The following NOX1 variants were observed in gnomAD, a reference collection of about 807,000 sequenced individuals.
The protein encoded by NOX1 is NADPH oxidase 1.
NOX1 carries 34 observed loss-of-function variants against 42.5 expected under a neutral mutation model. The ratio of observed to expected loss-of-function variants is 0.80; its 90% confidence interval spans 0.61 to 1.07. NOX1 has a LOEUF of 1.07. NOX1 is among the 50% of genes least tolerant of loss of function. The pLI, the probability that NOX1 is intolerant of heterozygous loss-of-function variation, is 0.00. For synonymous variants in NOX1, 143 were observed against 152.5 expected (o/e 0.94, Z 0.46); for missense variants, 408 against 427.0 (o/e 0.96, Z 0.39).
At chrX:100,870,289 G>C (rs2085266047) in intron 2 of NOX1, among the ~76,000 whole-genome samples, 1 of 109,522 alleles carries the variant, frequency 9.1e-6, no homozygotes, top group African/African-American at 3.3e-5. Context: ...GCAGGAGCAG[G>C]AGCAGGAGCA....
Position 100,853,310 on chromosome X carries a change from CTT to C in NOX1, c.805-1987_805-1986del, listed in dbSNP as rs757391671. ...TCTTTCTTTCTTTCTTTCTTTCTTT[CTT>C]TCTTTCTTTCTCTCTCTTTCTCTTT... On this transcript the variant is annotated intron_variant, in intron 7 of 12. Coordinates refer to ENST00000372966, the MANE Select transcript of NOX1 (RefSeq NM_007052.5). 2.9e-3 allele frequency among the ~76,000 whole-genome samples: 234 copies of C among 80,163 alleles called. 3 individuals carry two copies. Among genetic ancestry groups the C allele is most frequent in the African/African-American group, 9.9e-3 (193 of 19,519 alleles). The allele number at this position is 80,163 out of a possible 115,157, so 69.6% of individuals were successfully genotyped here.
chrX:100,857,647 T>C (rs1569446872), intron 7 of NOX1, among the ~76,000 whole-genome samples: 1 of 111,949 alleles, frequency 8.9e-6, no homozygotes, highest in Non-Finnish European at 1.9e-5. Context: ...GAGCATTTTT[T>C]CATATGCTTG....
At chrX:100,860,635 A>G (rs2085197091) in intron 7 of NOX1, among the ~76,000 whole-genome samples, 1 of 112,162 alleles carries the variant, frequency 8.9e-6, no homozygotes, top group Non-Finnish European at 1.9e-5. Context: ...TCATGTTATT[A>G]GGCTTTTTCT....
At position 100,869,061 on chromosome X, in the gene NOX1, T is replaced by C. The variant is rs758784038; in HGVS notation, c.141+1658A>G. On this transcript the variant is annotated intron_variant, in intron 2 of 12. Transcript: ENST00000372966. ...CAGTACCATGCTGTTTTGGTTACTGTAGCCTTGTAGTATAGTTTGAAGTGA... is the reference window on the plus strand; with the variant it reads ...CAGTACCATGCTGTTTTGGTTACTGCAGCCTTGTAGTATAGTTTGAAGTGA... Among the ~76,000 whole-genome samples, 203 of 111,742 alleles carry C rather than the reference T, an allele frequency of 1.8e-3. 3 individuals carry two copies. Among genetic ancestry groups the C allele is most frequent in the Non-Finnish European group, 2.4e-3 (129 of 53,138 alleles).
chrX:100,855,416 T>G (rs2085159576), intron 7 of NOX1: 1 of 634,550 alleles, frequency 1.6e-6, no homozygotes, highest in African/African-American at 2.2e-5. Flanking sequence ...CAAAGTTTCC[T>G]CCCTTCATGG....
intron 7 of NOX1, chrX:100,855,736 C>A: frequency 9.8e-7 from 1 of 1,023,363 alleles, no homozygotes; most frequent in Middle Eastern, 3.6e-4. Flanking sequence ...CCACCATGAC[C>A]ACTGAAGTTT....
intron 8 of NOX1, among the ~76,000 whole-genome samples, chrX:100,850,997 G>A (rs995252883): frequency 4.6e-5 from 5 of 109,785 alleles, no homozygotes; most frequent in Admixed American, 2.9e-4. Context: ...GCACCACCAC[G>A]CTCAGCTAAT....
At chrX:100,856,827 C>T (rs1254305964) in intron 7 of NOX1, among the ~76,000 whole-genome samples, 1 of 111,778 alleles carries the variant, frequency 8.9e-6, no homozygotes, top group Non-Finnish European at 1.9e-5. Flanking sequence ...CCTGCCTCAG[C>T]CTCCCAAAGT....
At chrX:100,864,036 C>T (rs1337477891) in intron 2 of NOX1, among the ~76,000 whole-genome samples, 1 of 112,241 alleles carries the variant, frequency 8.9e-6, no homozygotes, top group African/African-American at 3.2e-5. Flanking sequence ...ATTGCCCAGG[C>T]TGGAGTGCAG....
rs185404852 is a variant in NOX1, at chrX:100,874,193, G to A, written c.-54C>T. ...GGCAACAGGGAAGATTCAGCAATCCGGATTCTGGAGAGGTCCTTCAGGAAT... is the reference window on the plus strand; with the variant it reads ...GGCAACAGGGAAGATTCAGCAATCCAGATTCTGGAGAGGTCCTTCAGGAAT... On this transcript the variant is annotated 5_prime_UTR_variant, in exon 1 of 13. Coordinates refer to ENST00000372966, the MANE Select transcript of NOX1 (RefSeq NM_007052.5). 33 of 884,561 alleles carry A rather than the reference G, an allele frequency of 3.7e-5. No individual in the cohort carries two copies. The highest frequency in any genetic ancestry group is 1.2e-4 in the African/African-American group (6 of 50,577). 72.9% of individuals were successfully genotyped at this position (884,561 alleles called of 1,213,427 possible).
chrX:100,870,092 A>G (rs2085264299), intron 2 of NOX1, among the ~76,000 whole-genome samples: 1 of 102,030 alleles, frequency 9.8e-6, no homozygotes, highest in African/African-American at 3.6e-5. Context: ...TTTTGCATCA[A>G]TGTTCATCAA....
intron 7 of NOX1, chrX:100,856,500 G>A: frequency 3.2e-6 from 1 of 315,887 alleles, no homozygotes; most frequent in Admixed American, 4.4e-5. Context: ...CAGATCCCTG[G>A]TTATGATCTT....
At chrX:100,864,883 C>G (rs60467694) in intron 2 of NOX1, among the ~76,000 whole-genome samples, 4 of 112,006 alleles carry the variant, frequency 3.6e-5, no homozygotes, top group African/African-American at 1.3e-4. Flanking sequence ...GACTGGCCAG[C>G]CTTACATTGT....
intron 1 of NOX1, among the ~76,000 whole-genome samples, chrX:100,873,225 A>AGAGAGGT (rs1442907354): frequency 9.0e-6 from 1 of 111,309 alleles, no homozygotes; most frequent in East Asian, 2.8e-4. Flanking sequence ...ATGAGAGTGG[A>AGAGAGGT]GAGAGGTGTT....
At chrX:100,866,278 G>A (rs1205833817) in intron 2 of NOX1, among the ~76,000 whole-genome samples, 1 of 109,984 alleles carries the variant, frequency 9.1e-6, no homozygotes, top group Non-Finnish European at 1.9e-5. Flanking sequence ...GCAATTTCCA[G>A]CCAATATCTA....
At chrX:100,856,275 A>G (rs779735861) in intron 7 of NOX1, 235 of 851,270 alleles carry the variant, frequency 2.8e-4, no homozygotes, top group East Asian at 2.5e-4. Flanking sequence ...ATTCCCCATC[A>G]CTCATAATGG....
Position 100,848,643 on chromosome X carries a change from T to C in NOX1, c.1555A>G (p.Thr519Ala), listed in dbSNP as rs754407334. The change falls in exon 12 of 13, where the codon ACC (threonine) becomes GCC (alanine). Residue 519 changes from threonine to alanine, a missense_variant. Physicochemically the swap from Thr to Ala is moderately conservative, Grantham distance 58. Transcript: ENST00000372966. Reference sequence around the variant, plus strand: ...AAATATACTTACTTGGGGTGGGAGGTAGCTATTGTAGAAAACTCATTGTCC... The same window carrying C: ...AAATATACTTACTTGGGGTGGGAGGCAGCTATTGTAGAAAACTCATTGTCC... ...MWDNEFSTIA[T>A]SHPKSVVGVF... The C allele has an allele frequency of 1.7e-6, 2 of 1,208,458 alleles. No homozygotes were observed. Among genetic ancestry groups the C allele is most frequent in the South Asian group, 3.5e-5 (2 of 56,810 alleles).
In NOX1 at chrX:100,870,785, C is replaced by T. The variant is rs1038558111; in HGVS notation, c.75G>A (p.Leu25=). The T allele has an allele frequency of 3.4e-5, 41 of 1,190,795 alleles. No homozygotes were observed. Among genetic ancestry groups the T allele is most frequent in the Non-Finnish European group, 4.7e-5 (41 of 880,587 alleles). ...CATATTTCAGGAAGGCATCCACAAA[C>T]AGGAAAACATTCAGCCCTAACCAAA... ...LVVWLGLNVF[L]FVDAFLKYEK... The change falls in exon 2 of 13, where the codon CTG becomes CTA. Residue 25 remains leucine (L), a synonymous_variant. Coordinates refer to ENST00000372966, the MANE Select transcript of NOX1 (RefSeq NM_007052.5).
intron 7 of NOX1, among the ~76,000 whole-genome samples, chrX:100,859,138 T>C (rs938898953): frequency 8.9e-6 from 1 of 112,103 alleles, no homozygotes; most frequent in African/African-American, 3.2e-5. Flanking sequence ...GTTTTTCATA[T>C]GAAGGAATGT....
Sources: allele counts gnomAD v4.1 joint callset (sites outside exome capture counted in the v4.1 genomes callset), GRCh38; gene constraint gnomAD v4.1.1; transcripts MANE v1.5; gene names NCBI Gene and HGNC (gene_info 2026-07-23, HGNC 2026-07-21).